Variants in TTC29 observed in about 807,000 individuals in gnomAD.
TTC29 encodes the protein tetratricopeptide repeat domain 29, also known as tetratricopeptide repeat protein 29.
Under a neutral mutation model 58.1 loss-of-function variants are expected in TTC29, and 49 were observed. The ratio of observed to expected loss-of-function variants is 0.84; its 90% CI spans 0.67 to 1.07. The LOEUF (loss-of-function observed/expected upper bound fraction) is 1.07. TTC29 is among the 50% of genes least tolerant of loss of function. The pLI, the probability that TTC29 is intolerant of heterozygous loss-of-function variation, is 0.00. For synonymous variants in TTC29, 209 were observed against 196.8 expected (o/e 1.06, Z -0.52); for missense variants, 582 against 555.6 (o/e 1.05, Z -0.48).
intron 11 of TTC29, among the ~76,000 whole-genome samples, chr4:146,712,356 C>T (rs553767632): frequency 3.0e-4 from 45 of 152,198 alleles, no homozygotes; most frequent in African/African-American, 8.7e-4. Context: ...ATGATTTTGA[C>T]GCTATCTCAG....
chr4:146,866,392 T>G (rs1730567305), intron 8 of TTC29, among the ~76,000 whole-genome samples: 1 of 152,160 alleles, frequency 6.6e-6, no homozygotes, highest in African/African-American at 2.4e-5. Context: ...CTCTCATGTT[T>G]TCTACATGTG....
At chr4:146,868,179 A>T (rs1197955681) in intron 7 of TTC29, among the ~76,000 whole-genome samples, 1 of 152,206 alleles carries the variant, frequency 6.6e-6, no homozygotes, top group South Asian at 2.1e-4. Context: ...CAATGAGAAC[A>T]CATGGACACA....
At chr4:146,836,105 A>G (rs1204911193) in intron 8 of TTC29, among the ~76,000 whole-genome samples, 2 of 152,134 alleles carry the variant, frequency 1.3e-5, no homozygotes, top group African/African-American at 4.8e-5. Context: ...TCATAGTAAA[A>G]AAGAAAATCT....
chr4:146,753,693 G>A (rs1438718198), intron 11 of TTC29, among the ~76,000 whole-genome samples: 4 of 152,172 alleles, frequency 2.6e-5, no homozygotes, highest in Non-Finnish European at 5.9e-5. Flanking sequence ...AGAAAATGTG[G>A]CACATATACA....
In TTC29 at chr4:146,748,668, C is replaced by T. The variant is rs191153692; in HGVS notation, c.1331-41117G>A. Among the ~76,000 whole-genome samples, 3 of 152,358 alleles carry T rather than the reference C, an allele frequency of 2.0e-5. No individual in the cohort carries two copies. In the East Asian group the frequency reaches 5.8e-4, roughly 29 times the overall value. On this transcript the variant is annotated intron_variant, in intron 11 of 12. Coordinates refer to ENST00000325106, the MANE Select transcript of TTC29 (RefSeq NM_031956.4). ...AACTGAAGAAGCTACATGGAGACTACATCACGGTGCCCACATGGAACAAGA... is the reference window on the plus strand; with the variant it reads ...AACTGAAGAAGCTACATGGAGACTATATCACGGTGCCCACATGGAACAAGA...
chr4:146,708,532 T>C (rs1025187459), intron 11 of TTC29, among the ~76,000 whole-genome samples: 1 of 150,998 alleles, frequency 6.6e-6, no homozygotes, highest in African/African-American at 2.4e-5. Context: ...TGTATATCTA[T>C]ATACATAGAG....
intron 9 of TTC29, among the ~76,000 whole-genome samples, chr4:146,829,670 AAATT>A (rs1728034859): frequency 6.6e-6 from 1 of 152,208 alleles, no homozygotes; most frequent in African/African-American, 2.4e-5. Context: ...AAGCAAGAAA[AAATT>A]AATTTTCAGC....
chr4:146,742,858 T>G (rs1745266261), intron 11 of TTC29, among the ~76,000 whole-genome samples: 1 of 151,632 alleles, frequency 6.6e-6, no homozygotes, highest in African/African-American at 2.4e-5. Context: ...TTAGATTAGA[T>G]CAGGCTATGT....
intron 9 of TTC29, among the ~76,000 whole-genome samples, chr4:146,826,424 T>A (rs972008367): frequency 6.6e-6 from 1 of 152,210 alleles, no homozygotes; most frequent in Non-Finnish European, 1.5e-5. Flanking sequence ...CTTAAGAATG[T>A]TGAATATTGG....
intron 6 of TTC29, among the ~76,000 whole-genome samples, chr4:146,892,191 TC>T (rs1416864540): frequency 6.6e-6 from 1 of 152,002 alleles, no homozygotes; most frequent in Non-Finnish European, 1.5e-5. Flanking sequence ...GTGTAGCAGT[TC>T]CCCCTTAATT....
chr4:146,780,865 A>G (rs920010771), intron 11 of TTC29, among the ~76,000 whole-genome samples: 13 of 152,082 alleles, frequency 8.5e-5, no homozygotes, highest in African/African-American at 3.1e-4. Context: ...CACTATAGAT[A>G]GCTTCTCTTG....
chr4:146,922,265 A>T (rs1332615324), intron 4 of TTC29, among the ~76,000 whole-genome samples: 1 of 151,336 alleles, frequency 6.6e-6, no homozygotes, highest in Non-Finnish European at 1.5e-5. Flanking sequence ...GATAAAAAAA[A>T]ACCCTAACAA....
chr4:146,768,102 A>G (rs755295359), intron 11 of TTC29, among the ~76,000 whole-genome samples: 2 of 152,084 alleles, frequency 1.3e-5, no homozygotes, highest in Non-Finnish European at 2.9e-5. Context: ...ATAGCATTTC[A>G]AAATGTGTTA....
At chr4:146,721,083 G>T (rs918315722) in intron 11 of TTC29, among the ~76,000 whole-genome samples, 3 of 152,090 alleles carry the variant, frequency 2.0e-5, no homozygotes, top group African/African-American at 7.2e-5. Flanking sequence ...GAGAAGAAAT[G>T]AGGTTTTTAT....
intron 4 of TTC29, among the ~76,000 whole-genome samples, chr4:146,925,836 T>C (rs912943507): frequency 3.9e-5 from 6 of 152,328 alleles, no homozygotes; most frequent in African/African-American, 1.4e-4. Flanking sequence ...CTGGAAATAC[T>C]GGAAAAGTCT....
intron 11 of TTC29, among the ~76,000 whole-genome samples, chr4:146,789,902 A>T (rs1240909296): frequency 6.6e-6 from 1 of 152,200 alleles, no homozygotes; most frequent in Admixed American, 6.5e-5. Context: ...ATAACTCAGT[A>T]ACAACTGGAA....
At chr4:146,917,608 T>TAGATATTATATACATTATATATTATTTA (rs1734314889) in intron 4 of TTC29, among the ~76,000 whole-genome samples, 1 of 103,886 alleles carries the variant, frequency 9.6e-6, no homozygotes. Flanking sequence ...TATATATTAT[T>TAGATATTATATACATTATATATTATTTA]TATAATATAT....
intron 9 of TTC29, among the ~76,000 whole-genome samples, chr4:146,823,696 T>C (rs1751991070): frequency 6.6e-6 from 1 of 152,226 alleles, no homozygotes; most frequent in South Asian, 2.1e-4. Context: ...TTGAGCAGTA[T>C]GGCCATTTTC....
intron 7 of TTC29, among the ~76,000 whole-genome samples, chr4:146,869,679 C>T (rs1221969098): frequency 6.6e-6 from 1 of 151,778 alleles, no homozygotes; most frequent in African/African-American, 2.4e-5. Context: ...TGATATGGCA[C>T]CATCATCTGC....
Sources: allele counts gnomAD v4.1 joint callset (sites outside exome capture counted in the v4.1 genomes callset), GRCh38; gene constraint gnomAD v4.1.1; transcripts MANE v1.5; gene names NCBI Gene and HGNC (gene_info 2026-07-23, HGNC 2026-07-21).